XYLB: variants seen among roughly 807,000 people sequenced by gnomAD.
XYLB encodes the protein xylulose kinase.
In XYLB, 62 loss-of-function variants were observed where a neutral mutation model predicts 78.7. The observed-to-expected ratio is 0.79, with a 90% CI of 0.64 to 0.97. XYLB has a LOEUF of 0.97. XYLB is among the 50% of genes least tolerant of loss of function. The pLI, the probability that XYLB is intolerant of heterozygous loss-of-function variation, is 0.00. For missense variants in XYLB, 687 were observed against 676.8 expected, an observed-to-expected ratio of 1.02 and a Z score of -0.17; for synonymous variants, 245 against 247.4, an observed-to-expected ratio of 0.99 and a Z score of 0.09.
At chr3:38,419,603 T>TATATATATATATATATATATGTATAA (rs71085322), downstream of XYLB, among the ~76,000 whole-genome samples, 2 of 80,888 alleles carry the variant, frequency 2.5e-5, no homozygotes, top group African/African-American at 6.7e-5. Flanking sequence ...TATATATATA[T>TATATATATATATATATATATGTATAA]AATAGCCATC....
intron 18 of XYLB, among the ~76,000 whole-genome samples, chr3:38,410,450 T>A (rs1432567678): frequency 3.9e-5 from 6 of 152,018 alleles, no homozygotes; most frequent in Non-Finnish European, 7.4e-5. Flanking sequence ...AACCTAGGCA[T>A]TACCATTCAG....
chr3:38,417,310 C>T (rs1358518571), downstream of XYLB, among the ~76,000 whole-genome samples: 1 of 151,890 alleles, frequency 6.6e-6, no homozygotes, highest in East Asian at 1.9e-4. Flanking sequence ...GCCTGTAGTC[C>T]CTAGAAATTT....
At chr3:38,445,618 T>C in the XYLB span, among the ~76,000 whole-genome samples, 2 of 152,236 alleles carry the variant, frequency 1.3e-5, no homozygotes, top group Admixed American at 1.3e-4. Context: ...CAACATTTTG[T>C]TGGGACCTTG....
At chr3:38,407,318 C>T (rs1386025331) in intron 18 of XYLB, among the ~76,000 whole-genome samples, 2 of 151,420 alleles carry the variant, frequency 1.3e-5, no homozygotes, top group Non-Finnish European at 3.0e-5. Flanking sequence ...AAATACTTTA[C>T]AGACAAGCAA....
At chr3:38,451,270 T>C in the XYLB span, 4 of 152,240 alleles carry the variant, frequency 2.6e-5, no homozygotes, top group East Asian at 3.8e-4. Context: ...AGTTCTTTGA[T>C]ACTTTTTGTG....
intron 1 of XYLB, 66 bp from the exon 2 acceptor site, chr3:38,348,484 G>C: frequency 5.9e-6 from 9 of 1,514,834 alleles, no homozygotes; most frequent in Non-Finnish European, 6.4e-6. Flanking sequence ...GGTGACGTTA[G>C]TACCCCCTGG....
rs1255035997 is a variant in XYLB at position 38,408,371 on chromosome 3, A to T, written c.1534-4565A>T. ...GACACAACATACCAGAATCTCTGGG[A>T]CACATTCAAAGCAGTGTGTAGAGGG... is the stretch of plus-strand genomic sequence containing the variant. On this transcript the variant is annotated intron_variant, in intron 18 of 18. Coordinates refer to ENST00000207870, the MANE Select transcript of XYLB (RefSeq NM_005108.4). Among the ~76,000 whole-genome samples, 253 of 151,820 alleles carry T rather than the reference A, an allele frequency of 1.7e-3. 1 individual carries two copies. Among genetic ancestry groups the T allele is most frequent in the African/African-American group, 5.9e-3 (244 of 41,508 alleles).
intron 4 of XYLB, among the ~76,000 whole-genome samples, chr3:38,363,744 G>A (rs1055703342): frequency 5.3e-5 from 8 of 152,114 alleles, no homozygotes; most frequent in East Asian, 1.9e-4. Flanking sequence ...TGTTATTATC[G>A]TTGATATTTA....
chr3:38,375,225 C>T lies in XYLB; in HGVS notation c.970C>T (p.Pro324Ser). The T allele has an allele frequency of 6.2e-7, 1 of 1,614,208 alleles. No homozygotes were observed. ...CCTGGAAGGCCACATCTTCTGCAAC[C>T]CGGTTGACTCCCAGCACTACATGGC... ...PALEGHIFCN[P>S]VDSQHYMALL... The change falls in exon 12 of 19, where the codon CCG becomes TCG. Residue 324 changes from proline to serine, a missense_variant. Physicochemically the swap from Pro to Ser is moderately conservative, Grantham distance 74. Transcript: ENST00000207870.
the XYLB span, among the ~76,000 whole-genome samples, chr3:38,436,720 T>C: frequency 6.6e-6 from 1 of 152,012 alleles, no homozygotes; most frequent in Non-Finnish European, 1.5e-5. Flanking sequence ...ATAACACACC[T>C]GGGCTGGGTG....
At chr3:38,372,817 T>C (rs1188834319) in intron 10 of XYLB, 81 bp downstream of exon 10, 2 of 1,484,918 alleles carry the variant, frequency 1.3e-6, no homozygotes, top group Non-Finnish European at 1.9e-6. Flanking sequence ...GTCCAGCCTC[T>C]TGGTGAAACC....
intron 15 of XYLB, among the ~76,000 whole-genome samples, chr3:38,391,636 T>C (rs917316587): frequency 1.6e-5 from 2 of 123,100 alleles, no homozygotes; most frequent in African/African-American, 5.1e-5. Flanking sequence ...CAAATTCACA[T>C]GTTAAAAACT....
At chr3:38,384,507 G>A (rs1426869727) in intron 15 of XYLB, among the ~76,000 whole-genome samples, 3 of 152,238 alleles carry the variant, frequency 2.0e-5, no homozygotes, top group East Asian at 3.8e-4. Flanking sequence ...GCTGAGAGGT[G>A]GGGGCTGAAT....
At chr3:38,388,483 A>T (rs1473574417) in intron 15 of XYLB, among the ~76,000 whole-genome samples, 1 of 152,136 alleles carries the variant, frequency 6.6e-6, no homozygotes, top group East Asian at 1.9e-4. Flanking sequence ...GTTGTATAGG[A>T]TAAATATGTG....
chr3:38,401,089 C>A, intron 18 of XYLB, 104 bp downstream of exon 18: 1 of 954,934 alleles, frequency 1.0e-6, no homozygotes, highest in Non-Finnish European at 1.6e-6. Flanking sequence ...ATGTGCTCAA[C>A]TAAAGGAGAA....
At chr3:38,420,134 TG>T (rs1708931490) in exon 18 of XYLB, among the ~76,000 whole-genome samples, 1 of 152,210 alleles carries the variant, frequency 6.6e-6, no homozygotes, top group South Asian at 2.1e-4. Context: ...AATCAATTTT[TG>T]TTTGATTTTG....
chr3:38,366,019 C>T lies in XYLB; in HGVS notation c.507+283C>T, dbSNP rs528116983. Among the ~76,000 whole-genome samples the T allele has an allele frequency of 7.9e-5, 12 of 151,264 alleles. No homozygotes were observed. The South Asian group carries it at 1.5e-3, about 18-fold the overall frequency. On this transcript the variant is annotated intron_variant, in intron 6 of 18. Coordinates refer to ENST00000207870, the MANE Select transcript of XYLB (RefSeq NM_005108.4). ...GCACCTCCTGTCATTATTTGTAACC[C>T]GGGGATTACAACAGGACTTACGTTT...
rs144571758 is a variant in XYLB, at chr3:38,355,904, A to T, written c.141-4435A>T. 81 of 649,982 alleles carry T rather than the reference A, an allele frequency of 1.2e-4. No individual in the cohort carries two copies. In the African/African-American group the frequency reaches 1.3e-3, roughly 11 times the overall value. The allele number at this position is 649,982 out of a possible 1,614,324, so 40.3% of individuals were successfully genotyped here. On this transcript the variant is annotated intron_variant, in intron 2 of 18. Transcript: ENST00000207870. The stretch of plus-strand genomic sequence containing the variant: ...AAACTTCAGCTGTATCAAGCCATAG[A>T]AATGTGTTTTTCCTTAACTAATATA...
intron 2 of XYLB, among the ~76,000 whole-genome samples, chr3:38,353,347 C>A (rs952541986): frequency 3.3e-5 from 5 of 152,116 alleles, no homozygotes; most frequent in African/African-American, 1.2e-4. Flanking sequence ...CTGGCTGTCA[C>A]CCAAGCTGGA....
Sources: gnomAD v4.1 joint callset for allele counts (sites outside exome capture counted in the v4.1 genomes callset) on GRCh38, gnomAD v4.1.1 for gene constraint, MANE v1.5 for transcripts, NCBI Gene and HGNC (gene_info 2026-07-23, HGNC 2026-07-21) for gene names.